The following ARHGEF19 variants were observed in gnomAD, a reference collection of about 807,000 sequenced individuals.
ARHGEF19 encodes the protein Rho guanine nucleotide exchange factor 19.
Under a neutral mutation model 87.6 loss-of-function variants are expected in ARHGEF19, and 92 were observed. The observed-to-expected ratio is 1.05, with a 90% CI of 0.89 to 1.25. The LOEUF is 1.25. Ranked by LOEUF, ARHGEF19 falls within the 50% of genes most tolerant of loss-of-function variation. The pLI is 0.00. For missense variants in ARHGEF19, 1,054 were observed against 1,051.8 expected (o/e 1.00, Z -0.03); for synonymous variants, 438 against 446.2 (o/e 0.98, Z 0.23).
In ARHGEF19 at chr1:16,201,786, C is replaced by T. The variant is rs1283756030; in HGVS notation, c.2142G>A (p.Gly714=). The change falls in exon 14 of 16, where the codon GGG becomes GGA. Residue 714 remains glycine (G), a synonymous_variant. Transcript: ENST00000270747. ...GCAGCAGGGATGAGCTACTACCTTC[C>T]CCCTCACTGATGACCTCCTTGTCCT... is the stretch of plus-strand genomic sequence containing the variant. ...PQEDKEVISE[G]EDCPQVQCVR... 1.9e-6 allele frequency: 3 copies of T among 1,613,490 alleles called. No homozygotes were observed. The highest frequency in any genetic ancestry group is 2.5e-6 in the Non-Finnish European group (3 of 1,179,718).
In ARHGEF19 at chr1:16,207,932, A is replaced by C. The variant is rs1221667738; in HGVS notation, c.694+12T>G. 7.9e-7 allele frequency: 1 copy of C among 1,266,710 alleles called. No individual in the cohort carries two copies. Among genetic ancestry groups the C allele is most frequent in the African/African-American group, 1.7e-5 (1 of 59,394 alleles). 78.5% of individuals were successfully genotyped at this position (1,266,710 alleles called of 1,614,324 possible). A position where few individuals can be genotyped will look rare whatever the true frequency, so the allele number is the denominator to read the frequency against. On this transcript the variant is annotated intron_variant, in intron 3 of 15. Coordinates refer to ENST00000270747, the MANE Select transcript of ARHGEF19 (RefSeq NM_153213.5). The surrounding 1 kb of genome is among the most constrained non-coding windows in gnomAD (Gnocchi z 4.0). ...TCTGGCTGCCCTCAGGGCCCATGGG[A>C]GGAGCTGGTACCTTCCCGGGCTGCT... is the stretch of plus-strand genomic sequence containing the variant.
Position 16,206,029 on chromosome 1 carries a change from C to T in ARHGEF19, c.1353G>A (p.Val451=), listed in dbSNP as rs1158857341. ...GGCAGTGGTCCAGCACCACGTCGCA[C>T]ACGCTGAAGCGCAGCACATCTGCCT... ...RLEADVLRFS[V]CDVVLDHCPA... is the part of the protein sequence containing the mutation. Residue 451 remains valine, a synonymous_variant, in exon 8 of 16, where the codon GTG becomes GTA. Coordinates refer to ENST00000270747, the MANE Select transcript of ARHGEF19 (RefSeq NM_153213.5). The surrounding 1 kb of genome is among the most constrained non-coding windows in gnomAD (Gnocchi z 4.6). The T allele has an allele frequency of 6.3e-7, 1 of 1,596,448 alleles. No homozygotes were observed.
In ARHGEF19 at chr1:16,205,598, G is replaced by C. The variant is rs200889406; in HGVS notation, c.1521C>G (p.Pro507=). 1 of 1,613,974 alleles carries C rather than the reference G, an allele frequency of 6.2e-7. No individual in the cohort carries two copies. The highest frequency in any genetic ancestry group is 1.3e-5 in the African/African-American group (1 of 75,026). ...AGGGCAGGATAAGGAAGGAGGTAAG[G>C]GGCAGACGCTGGCACACAGGAGACT... ...LEESPVCQRL[P]LTSFLILPFQ... The change falls in exon 9 of 16, where the codon CCC becomes CCG. Residue 507 remains proline, a synonymous_variant. Coordinates refer to ENST00000270747, the MANE Select transcript of ARHGEF19 (RefSeq NM_153213.5). This position sits in a 1 kb window ranked among gnomAD's most constrained non-coding sequence, Gnocchi z 5.8.
rs370419332 is a variant in ARHGEF19 at position 16,208,048 on chromosome 1, G to T, written c.590C>A (p.Ser197Ter). Reference protein sequence around the residue: ...SLEGPERRRFSASELMTRLHS... With the variant: ...SLEGPERRRF ...CAGCCGGGTCATCAGCTCCGATGCC[G>T]AGAAGCGCCTCCGCTCAGGACCTTC... The change falls in exon 3 of 16, where the codon TCG becomes TAG. Residue 197 changes from serine to a stop codon, truncating the protein, a stop_gained. Transcript: ENST00000270747. LOFTEE classifies it high-confidence loss of function. 6.2e-7 allele frequency: 1 copy of T among 1,613,830 alleles called. No individual in the cohort carries two copies. Among genetic ancestry groups the T allele is most frequent in the Non-Finnish European group, 8.5e-7 (1 of 1,180,034 alleles).
intron 15 of ARHGEF19, 82 bp downstream of exon 15, chr1:16,199,062 GAACCTT>G: frequency 1.5e-6 from 2 of 1,330,606 alleles, no homozygotes; most frequent in Non-Finnish European, 2.1e-6. Flanking sequence ...AACACTTGCA[GAACCTT>G]TCCCTGTGAT....
chr1:16,207,209 G>T lies in ARHGEF19; in HGVS notation c.876C>A (p.Ser292=). ...ERRQSRFLLN[S]VLYQEYSDVA... ...CGTCGCTGTATTCCTGATAGAGGAC[G>T]GCTGGGGGAAAGACGGGCGGGGGAG... Residue 292 remains serine, a splice_region_variant and synonymous_variant, in exon 6 of 16, where the codon TCC becomes TCA. Coordinates refer to ENST00000270747, the MANE Select transcript of ARHGEF19 (RefSeq NM_153213.5). This position sits in a 1 kb window ranked among gnomAD's most constrained non-coding sequence, Gnocchi z 4.0. 6.6e-7 allele frequency: 1 copy of T among 1,517,592 alleles called. No individual in the cohort carries two copies. Among genetic ancestry groups the T allele is most frequent in the Non-Finnish European group, 8.8e-7 (1 of 1,137,870 alleles). The allele number at this position is 1,517,592 out of a possible 1,614,324, so 94.0% of individuals were successfully genotyped here.
chr1:16,198,518 C>T lies in ARHGEF19; in HGVS notation c.*69G>A, dbSNP rs751441276. The T allele has an allele frequency of 4.7e-5, 69 of 1,461,258 alleles. No homozygotes were observed. Among genetic ancestry groups the T allele is most frequent in the Non-Finnish European group, 6.0e-5 (66 of 1,098,220 alleles). 90.5% of individuals were successfully genotyped at this position (1,461,258 alleles called of 1,614,324 possible). A position where few individuals can be genotyped will look rare whatever the true frequency, so the allele number is the denominator to read the frequency against. ...GCAGGAGCAGCTTGGGGAATGGAGA[C>T]ACTGCAGGCCCCTCCAGGACCATCC... On this transcript the variant is annotated 3_prime_UTR_variant, in exon 16 of 16. Coordinates refer to ENST00000270747, the MANE Select transcript of ARHGEF19 (RefSeq NM_153213.5). The surrounding 1 kb of genome is among the most constrained non-coding windows in gnomAD (Gnocchi z 4.1).
intron 14 of ARHGEF19, among the ~76,000 whole-genome samples, chr1:16,200,479 A>G (rs915911668): frequency 6.6e-6 from 1 of 152,312 alleles, no homozygotes; most frequent in Admixed American, 6.5e-5. Context: ...GCAGTGGCTC[A>G]CACCTGTAAT....
At chr1:16,203,266 T>A (rs2081098790) in intron 12 of ARHGEF19, among the ~76,000 whole-genome samples, 1 of 152,070 alleles carries the variant, frequency 6.6e-6, no homozygotes, top group East Asian at 1.9e-4. Context: ...CCAAGCCAGA[T>A]CCCCTTTACT....
Position 16,205,524 on chromosome 1 carries a change from T to C in ARHGEF19, c.1581+14A>G. The C allele has an allele frequency of 1.2e-6, 2 of 1,613,814 alleles. No individual in the cohort carries two copies. The highest frequency in any genetic ancestry group is 1.7e-6 in the Non-Finnish European group (2 of 1,179,898). On this transcript the variant is annotated intron_variant, in intron 9 of 15. Transcript: ENST00000270747. The surrounding 1 kb of genome is among the most constrained non-coding windows in gnomAD (Gnocchi z 5.8). Reference sequence around the variant, plus strand: ...CTCGCCCAGCCCTCACTGTGGCCTGTCCCCTCGAGGTACCTCCACCAACAT... The same window carrying C: ...CTCGCCCAGCCCTCACTGTGGCCTGCCCCCTCGAGGTACCTCCACCAACAT...
rs758017935 is a variant in ARHGEF19 at position 16,205,152 on chromosome 1, C to T, written c.1681G>A (p.Val561Ile). Reference protein sequence around the residue: ...KELVQECNASVQSMKRTEELI... With the variant: ...KELVQECNASIQSMKRTEELI... ...TCCTCTGTCCTCTTCATGGACTGTA[C>T]ACTAGCATTGCACTCCTGCACCAGC... Residue 561 changes from valine (V) to isoleucine (I), a missense_variant, in exon 11 of 16, where the codon GTA becomes ATA. Physicochemically the swap from Val to Ile is conservative, Grantham distance 29. Transcript: ENST00000270747. This position sits in a 1 kb window ranked among gnomAD's most constrained non-coding sequence, Gnocchi z 5.8. 3 of 1,602,372 alleles carry T rather than the reference C, an allele frequency of 1.9e-6. No individual in the cohort carries two copies. Among genetic ancestry groups the T allele is most frequent in the Non-Finnish European group, 2.6e-6 (3 of 1,174,446 alleles).
Position 16,209,092 on chromosome 1 carries a change from GAGA to G in ARHGEF19, c.-29-12_-29-10del. 1 of 1,433,148 alleles carries G rather than the reference GAGA, an allele frequency of 7.0e-7. No individual in the cohort carries two copies. Among genetic ancestry groups the G allele is most frequent in the East Asian group, 2.5e-5 (1 of 39,422 alleles). 88.8% of individuals were successfully genotyped at this position (1,433,148 alleles called of 1,614,324 possible). A position where few individuals can be genotyped will look rare whatever the true frequency, so the allele number is the denominator to read the frequency against. On this transcript the variant is annotated splice_polypyrimidine_tract_variant and intron_variant, in intron 1 of 15. Coordinates refer to ENST00000270747, the MANE Select transcript of ARHGEF19 (RefSeq NM_153213.5). Reference sequence around the variant, plus strand: ...CTGCCACCCACCTGGCCCTGCAGAAGAGAAGATATCAGACCTAGACAGAGGACA... The same window carrying G: ...CTGCCACCCACCTGGCCCTGCAGAAGAGATATCAGACCTAGACAGAGGACA...
Position 16,198,711 on chromosome 1 carries a change from T to G in ARHGEF19, c.2285A>C (p.Glu762Ala). Residue 762 changes from glutamate to alanine, a missense_variant, in exon 16 of 16, where the codon GAG (glutamate) becomes GCG (alanine). Coordinates refer to ENST00000270747, the MANE Select transcript of ARHGEF19 (RefSeq NM_153213.5). The surrounding 1 kb of genome is among the most constrained non-coding windows in gnomAD (Gnocchi z 4.1). ...WLEGVRLADG[E>A]KGWVPQAYVE... ...ATAGGCCTGGGGCACCCACCCCTTC[T>G]CACCATCTGCCAGGCGGACCCCTTC... 1 of 1,611,442 alleles carries G rather than the reference T, an allele frequency of 6.2e-7. No individual in the cohort carries two copies. The highest frequency in any genetic ancestry group is 2.2e-5 in the East Asian group (1 of 44,814).
chr1:16,208,594 C>T (rs2081167440), intron 2 of ARHGEF19, 49 bp downstream of exon 2: 2 of 1,542,004 alleles, frequency 1.3e-6, no homozygotes, highest in Non-Finnish European at 1.7e-6. Flanking sequence ...AGCCCCTCCC[C>T]TATCCCCCTG....
chr1:16,202,501 G>A lies in ARHGEF19; in HGVS notation c.1981C>T (p.Gln661Ter), dbSNP rs1185915557. The stretch of plus-strand genomic sequence containing the variant: ...AGGAACACGTGGCCGGGGATGCCCT[G>A]CAGCTTCAGGCTCAGGTCCCGCACC... Reference protein sequence around the residue: ...LQVRDLSLKLQGIPGHVFLLQ... With the variant: ...LQVRDLSLKL The change falls in exon 13 of 16, where the codon CAG (glutamine) becomes TAG (stop). Residue 661 changes from glutamine to a stop codon, truncating the protein, a stop_gained. Transcript: ENST00000270747. LOFTEE classifies it high-confidence loss of function. The A allele has an allele frequency of 1.9e-6, 3 of 1,614,196 alleles. No homozygotes were observed. The highest frequency in any genetic ancestry group is 2.5e-6 in the Non-Finnish European group (3 of 1,180,036).
At position 16,199,077 on chromosome 1, in the gene ARHGEF19, A is replaced by G; in HGVS notation, c.2251+73T>C. ...AACACTTGCAGAACCTTTCCCTGTG[A>G]TATCTTAGTCATCTAGCCACCTCCT... On this transcript the variant is annotated intron_variant, in intron 15 of 15. Transcript: ENST00000270747. The G allele has an allele frequency of 7.0e-6, 10 of 1,435,690 alleles. No individual in the cohort carries two copies. In the South Asian group the frequency reaches 1.0e-4, roughly 15 times the overall value. 88.9% of individuals were successfully genotyped at this position (1,435,690 alleles called of 1,614,324 possible).
rs1175921576 is a variant in ARHGEF19, at chr1:16,202,594, G to T, written c.1908-20C>A. On this transcript the variant is annotated intron_variant, in intron 12 of 15. Transcript: ENST00000270747. Reference sequence around the variant, plus strand: ...CCTAGCCTGGAGGACCGGGGGAGGGGAGGTCAGCCTGGCCTGGGCCCTGGC... The same window carrying T: ...CCTAGCCTGGAGGACCGGGGGAGGGTAGGTCAGCCTGGCCTGGGCCCTGGC... 6.2e-7 allele frequency: 1 copy of T among 1,607,402 alleles called. No individual in the cohort carries two copies. The highest frequency in any genetic ancestry group is 1.7e-5 in the Admixed American group (1 of 59,780).
chr1:16,202,061 T>C (rs2100266070), intron 13 of ARHGEF19, among the ~76,000 whole-genome samples, 200 bp from the exon 14 acceptor site: 1 of 143,494 alleles, frequency 7.0e-6, no homozygotes, highest in Admixed American at 6.9e-5. Context: ...GCTCTGAGCA[T>C]AACAGGCCCA....
chr1:16,200,018 C>T (rs1170128198), intron 14 of ARHGEF19, among the ~76,000 whole-genome samples: 1 of 152,212 alleles, frequency 6.6e-6, no homozygotes, highest in Non-Finnish European at 1.5e-5. Context: ...AACCTCTCCT[C>T]ATCCTTCAGG....
Sources: allele counts gnomAD v4.1 joint callset (sites outside exome capture counted in the v4.1 genomes callset), GRCh38; gene constraint gnomAD v4.1.1; non-coding constraint Gnocchi (gnomAD v3.1); transcripts MANE v1.5; gene names NCBI Gene and HGNC (gene_info 2026-07-23, HGNC 2026-07-21).